PIAS1: variants seen among roughly 807,000 people sequenced by gnomAD.
PIAS1 encodes the protein protein inhibitor of activated STAT 1, also known as E3 SUMO-protein ligase PIAS1.
In PIAS1, 6 loss-of-function variants were observed where a neutral mutation model predicts 71.3. The ratio of observed to expected loss-of-function variants is 0.08; its 90% CI spans 0.05 to 0.17. The LOEUF is 0.17. PIAS1 is among the 10% of genes least tolerant of loss of function. The pLI, the probability that PIAS1 is intolerant of heterozygous loss-of-function variation, is 1.00. For synonymous variants in PIAS1, 303 were observed against 292.9 expected, an observed-to-expected ratio of 1.03 and a Z score of -0.35; for missense variants, 555 against 793.6, an observed-to-expected ratio of 0.70 and a Z score of 3.61.
chr15:68,076,319 G>A (rs867979510), intron 1 of PIAS1, among the ~76,000 whole-genome samples: 20 of 152,038 alleles, frequency 1.3e-4, no homozygotes, highest in African/African-American at 4.8e-4. Flanking sequence ...CATCCTGGCT[G>A]ACACGGTGAA....
chr15:68,065,401 A>G (rs1342384948), intron 1 of PIAS1, among the ~76,000 whole-genome samples: 1 of 151,880 alleles, frequency 6.6e-6, no homozygotes, highest in Non-Finnish European at 1.5e-5. Flanking sequence ...ACCAGCCTGG[A>G]CAACATGGCA....
intron 7 of PIAS1, among the ~76,000 whole-genome samples, chr15:68,157,381 A>G (rs1226896625): frequency 1.3e-5 from 2 of 152,162 alleles, no homozygotes; most frequent in South Asian, 2.1e-4. Context: ...CTCTATGGAT[A>G]GAGCTCTGTG....
At chr15:68,120,388 CTG>C (rs1211465214) in intron 2 of PIAS1, among the ~76,000 whole-genome samples, 1 of 151,820 alleles carries the variant, frequency 6.6e-6, no homozygotes, top group African/African-American at 2.4e-5. Flanking sequence ...TTTGTCTTAT[CTG>C]TTATTTTATT....
At chr15:68,150,820 G>A (rs2092838659) in intron 6 of PIAS1, among the ~76,000 whole-genome samples, 1 of 152,068 alleles carries the variant, frequency 6.6e-6, no homozygotes, top group Non-Finnish European at 1.5e-5. Flanking sequence ...CAGATTTTCA[G>A]ATTAGGGATG....
Position 68,093,667 on chromosome 15 carries a change from C to A in PIAS1, c.469+6917C>A, listed in dbSNP as rs1260800214. Among the ~76,000 whole-genome samples the A allele has an allele frequency of 2.6e-5, 4 of 152,182 alleles. No individual in the cohort carries two copies. The East Asian group carries it at 7.7e-4, about 29-fold the overall frequency. On this transcript the variant is annotated intron_variant, in intron 2 of 13. Coordinates refer to ENST00000249636, the MANE Select transcript of PIAS1 (RefSeq NM_016166.3). ...AAAAGAAATCATTTAGCTCCCTTTA[C>A]CCCTTTGAGAGGGTTATAATGGGGG...
intron 4 of PIAS1, among the ~76,000 whole-genome samples, 195 bp from the exon 5 acceptor site, chr15:68,145,621 C>G (rs892469854): frequency 1.3e-5 from 2 of 152,140 alleles, no homozygotes; most frequent in Non-Finnish European, 2.9e-5. Context: ...ATGATTACCA[C>G]AACTCTACAT....
intron 1 of PIAS1, chr15:68,057,518 G>C (rs1369063456): frequency 4.5e-6 from 2 of 440,864 alleles, no homozygotes; most frequent in Non-Finnish European, 9.0e-6. Context: ...CAGCATTTTA[G>C]TGGAGTAAAT....
intron 1 of PIAS1, among the ~76,000 whole-genome samples, chr15:68,080,253 A>G (rs1187990554): frequency 6.6e-6 from 1 of 152,252 alleles, no homozygotes; most frequent in Non-Finnish European, 1.5e-5. Flanking sequence ...CAAAAATTAA[A>G]GCCATGGTGT....
At chr15:68,146,535 T>G in intron 5 of PIAS1, 31 bp from the exon 6 acceptor site, 1 of 1,564,594 alleles carries the variant, frequency 6.4e-7, no homozygotes, top group Non-Finnish European at 8.8e-7. Flanking sequence ...GTGGAAATAA[T>G]AAGTATAAAT....
At chr15:68,155,827 T>G (rs2092885037) in intron 7 of PIAS1, among the ~76,000 whole-genome samples, 1 of 152,180 alleles carries the variant, frequency 6.6e-6, no homozygotes, top group African/African-American at 2.4e-5. Context: ...CTCCTCTTCC[T>G]TCTCCCTTCA....
intron 1 of PIAS1, among the ~76,000 whole-genome samples, chr15:68,060,577 T>TA (rs2091947098): frequency 6.6e-6 from 1 of 152,020 alleles, no homozygotes; most frequent in South Asian, 2.1e-4. Context: ...CGTGCCACTG[T>TA]ACTCCAGGCT....
rs2093098462 is a variant in PIAS1 at position 68,187,875 on chromosome 15, A to G, written c.*40A>G. 1 of 1,566,950 alleles carries G rather than the reference A, an allele frequency of 6.4e-7. No homozygotes were observed. Among genetic ancestry groups the G allele is most frequent in the Non-Finnish European group, 8.7e-7 (1 of 1,144,456 alleles). On this transcript the variant is annotated 3_prime_UTR_variant, in exon 14 of 14. Transcript: ENST00000249636. This position sits in a 1 kb window ranked among gnomAD's most constrained non-coding sequence, Gnocchi z 5.3. ...TGCTCCCATCCCCACCCCAGATCGA[A>G]TGAACTTGGCAGAAAGAAGAGAACT... is the stretch of plus-strand genomic sequence containing the variant.
intron 2 of PIAS1, among the ~76,000 whole-genome samples, chr15:68,088,176 G>GTATGTGTATATATATATATATA (rs1555424823): frequency 1.4e-5 from 1 of 73,008 alleles, no homozygotes; most frequent in African/African-American, 6.2e-5. Flanking sequence ...TTATGTGTGT[G>GTATGTGTATATATATATATATA]TATATATATA....
At chr15:68,081,365 C>T (rs1020593674) in intron 1 of PIAS1, among the ~76,000 whole-genome samples, 4 of 151,924 alleles carry the variant, frequency 2.6e-5, no homozygotes, top group African/African-American at 4.8e-5. Flanking sequence ...AGGTTATTGC[C>T]CAGTCATTCT....
At chr15:68,055,278 GA>G in intron 1 of PIAS1, 3 of 877,102 alleles carry the variant, frequency 3.4e-6, no homozygotes, top group Non-Finnish European at 4.1e-6. Flanking sequence ...TGTTTGTAGG[GA>G]CATCTTGCTG....
intron 2 of PIAS1, among the ~76,000 whole-genome samples, chr15:68,139,679 A>G (rs903175831): frequency 6.6e-6 from 1 of 152,200 alleles, no homozygotes; most frequent in Admixed American, 6.5e-5. Flanking sequence ...AAGAGTTTAA[A>G]AAGATTAAGA....
At position 68,136,932 on chromosome 15, in the gene PIAS1, A is replaced by T. The variant is rs185953901; in HGVS notation, c.470-5014A>T. On this transcript the variant is annotated intron_variant, in intron 2 of 13. Transcript: ENST00000249636. ...GACAAGGCTGGACAATTAGTTAAAT[A>T]GGAAATTCAGCAAATAACAAAACAT... Among the ~76,000 whole-genome samples the T allele has an allele frequency of 6.9e-3, 1,049 of 152,354 alleles. 7 individuals carry two copies. The highest frequency in any genetic ancestry group is 0.015 in the Admixed American group (224 of 15,302).
intron 2 of PIAS1, among the ~76,000 whole-genome samples, chr15:68,110,603 GA>G (rs202167069): frequency 3.3e-5 from 5 of 150,628 alleles, no homozygotes; most frequent in Non-Finnish European, 5.9e-5. Flanking sequence ...TCTCCAAAAA[GA>G]AAAAAAAATT....
chr15:68,100,098 GAAA>G (rs56224845), intron 2 of PIAS1, among the ~76,000 whole-genome samples: 177 of 138,844 alleles, frequency 1.3e-3, no homozygotes, highest in East Asian at 0.01. Flanking sequence ...ATTTCTTCGG[GAAA>G]AAAAAAAAAA....
Sources: allele counts gnomAD v4.1 joint callset (sites outside exome capture counted in the v4.1 genomes callset), GRCh38; gene constraint gnomAD v4.1.1; non-coding constraint Gnocchi (gnomAD v3.1); transcripts MANE v1.5; gene names NCBI Gene and HGNC (gene_info 2026-07-23, HGNC 2026-07-21).